Variants in SAMTOR observed in about 807,000 individuals in gnomAD.
SAMTOR encodes the protein S-adenosylmethionine sensor upstream of mTORC1.
At chr7:112,830,901 A>T in the SAMTOR span, among the ~76,000 whole-genome samples, 3 of 152,056 alleles carry the variant, frequency 2.0e-5, no homozygotes, top group South Asian at 6.2e-4. Flanking sequence ...TTTTCAAGAA[A>T]ACATTACAAC....
chr7:112,892,574 G>A, the SAMTOR span, among the ~76,000 whole-genome samples: 6 of 152,070 alleles, frequency 3.9e-5, no homozygotes, highest in African/African-American at 1.4e-4. Flanking sequence ...TTTGAGACCT[G>A]CCTGGGCAAT....
At chr7:112,939,531 T>C in the SAMTOR span, 1 of 1,610,642 alleles carries the variant, frequency 6.2e-7, no homozygotes, top group Non-Finnish European at 8.5e-7. Context: ...AGGGAAGAGG[T>C]GACAAGCGGT....
chr7:112,914,969 G>A, the SAMTOR span, among the ~76,000 whole-genome samples: 13 of 152,078 alleles, frequency 8.5e-5, no homozygotes, highest in Admixed American at 3.9e-4. Flanking sequence ...GGCCAGGTGC[G>A]GTGGCTCACG....
chr7:112,907,890 CA>C, the SAMTOR span, among the ~76,000 whole-genome samples: 1 of 149,548 alleles, frequency 6.7e-6, no homozygotes, highest in Non-Finnish European at 1.5e-5. Context: ...GGTGAAACTG[CA>C]AAATGATATA....
chr7:112,895,341 C>G, the SAMTOR span, among the ~76,000 whole-genome samples: 1 of 151,800 alleles, frequency 6.6e-6, no homozygotes, highest in African/African-American at 2.4e-5. Flanking sequence ...ACCATTCTTT[C>G]TCATTTTCAG....
the SAMTOR span, among the ~76,000 whole-genome samples, chr7:112,882,928 T>C: frequency 3.7e-4 from 57 of 152,214 alleles, no homozygotes; most frequent in African/African-American, 1.3e-3. Flanking sequence ...CAAAAACTCC[T>C]AAACCAGAGA....
chr7:112,865,912 T>C, the SAMTOR span, among the ~76,000 whole-genome samples: 1 of 150,748 alleles, frequency 6.6e-6, no homozygotes, highest in African/African-American at 2.4e-5. Context: ...GAGCTATGAT[T>C]GCACCACTTC....
chr7:112,870,826 A>T, the SAMTOR span, among the ~76,000 whole-genome samples: 1 of 151,996 alleles, frequency 6.6e-6, no homozygotes, highest in Non-Finnish European at 1.5e-5. Flanking sequence ...CTCAAAGTAA[A>T]GGGATAGAGA....
At chr7:112,930,908 G>T in the SAMTOR span, among the ~76,000 whole-genome samples, 3 of 152,150 alleles carry the variant, frequency 2.0e-5, no homozygotes, top group Non-Finnish European at 4.4e-5. Context: ...CACAAACTTT[G>T]CTTCTCTTCA....
At chr7:112,859,189 A>C in the SAMTOR span, among the ~76,000 whole-genome samples, 1 of 152,126 alleles carries the variant, frequency 6.6e-6, no homozygotes, top group South Asian at 2.1e-4. Flanking sequence ...GCCAGCCCCC[A>C]CGATTCATGT....
the SAMTOR span, among the ~76,000 whole-genome samples, chr7:112,826,329 A>T: frequency 6.6e-6 from 1 of 152,196 alleles, no homozygotes; most frequent in African/African-American, 2.4e-5. Flanking sequence ...TTAAACTGCC[A>T]ATTCATAATT....
the SAMTOR span, chr7:112,939,553 A>G: frequency 6.2e-7 from 1 of 1,613,308 alleles, no homozygotes; most frequent in African/African-American, 1.3e-5. Flanking sequence ...GGGGGTGATG[A>G]GGCCTCCCCT....
chr7:112,831,305 C>G, the SAMTOR span, among the ~76,000 whole-genome samples: 2 of 152,220 alleles, frequency 1.3e-5, no homozygotes, highest in Non-Finnish European at 2.9e-5. Flanking sequence ...TTAGAGTTAT[C>G]TATCTTTAAA....
the SAMTOR span, among the ~76,000 whole-genome samples, chr7:112,907,771 C>T: frequency 2.6e-5 from 4 of 151,914 alleles, no homozygotes; most frequent in Non-Finnish European, 4.4e-5. Flanking sequence ...TCCAATCTAT[C>T]GGAGAAAAAT....
At chr7:112,830,035 A>G in the SAMTOR span, among the ~76,000 whole-genome samples, 1 of 152,022 alleles carries the variant, frequency 6.6e-6, no homozygotes, top group Non-Finnish European at 1.5e-5. Flanking sequence ...TCTTATTTTC[A>G]GTAGACCATT....
the SAMTOR span, among the ~76,000 whole-genome samples, chr7:112,888,231 ACTCTTCAGTT>A: frequency 6.6e-6 from 1 of 151,938 alleles, no homozygotes; most frequent in East Asian, 1.9e-4. Context: ...ATATTTTGGG[ACTCTTCAGTT>A]CTCTGTTACT....
the SAMTOR span, among the ~76,000 whole-genome samples, chr7:112,907,040 C>T: frequency 1.4e-4 from 22 of 151,920 alleles, no homozygotes; most frequent in African/African-American, 4.8e-4. Context: ...CCAAGAAAAC[C>T]CTGAAAAAGA....
chr7:112,879,327 A>G, the SAMTOR span, among the ~76,000 whole-genome samples: 1 of 151,890 alleles, frequency 6.6e-6, no homozygotes, highest in Admixed American at 6.6e-5. Flanking sequence ...CTGAGTGTGA[A>G]GAGTAGAGAA....
chr7:112,916,191 CAGCTACT>C, the SAMTOR span, among the ~76,000 whole-genome samples: 2 of 152,288 alleles, frequency 1.3e-5, no homozygotes, highest in East Asian at 3.9e-4. Context: ...ATTATCCATT[CAGCTACT>C]ACCTTTTATT....
Sources: gnomAD v4.1 joint callset for allele counts (sites outside exome capture counted in the v4.1 genomes callset) on GRCh38, gnomAD v4.1.1 for gene constraint, MANE v1.5 for transcripts, NCBI Gene and HGNC (gene_info 2026-07-23, HGNC 2026-07-21) for gene names.